WDR36: variants seen among roughly 807,000 people sequenced by gnomAD.
WDR36 encodes WD repeat domain 36, also known as WD repeat-containing protein 36.
A neutral mutation model predicts 112.7 loss-of-function variants in WDR36; 63 were observed. That is an observed-to-expected ratio of 0.56 (90% CI 0.46 to 0.69). WDR36 has a LOEUF of 0.69. Ranked by LOEUF, WDR36 falls within the 30% of genes least tolerant of loss-of-function variation. The pLI, the probability that WDR36 is intolerant of heterozygous loss-of-function variation, is 0.00. For missense variants in WDR36, 1,226 were observed against 1,070.3 expected (o/e 1.15, Z -2.03); for synonymous variants, 410 against 362.2 (o/e 1.13, Z -1.50).
chr5:111,121,777 C>A (rs561023428), intron 19 of WDR36, among the ~76,000 whole-genome samples: 60 of 152,072 alleles, frequency 3.9e-4, no homozygotes, highest in Non-Finnish European at 7.1e-4. Flanking sequence ...TTTATGATCC[C>A]CCACTAGTGA....
chr5:111,092,366 G>A lies in WDR36; in HGVS notation c.-91G>A, dbSNP rs1752877398. On this transcript the variant is annotated 5_prime_UTR_variant, in exon 1 of 23. Coordinates refer to ENST00000513710, the MANE Select transcript of WDR36 (RefSeq NM_139281.3). ...AAGCGGTGTTGTGTCTGCAGCTCTG[G>A]CAGAGGACTGTTCCACTAGACACGC... 1 of 1,614,132 alleles carries A rather than the reference G, an allele frequency of 6.2e-7. No homozygotes were observed. Among genetic ancestry groups the A allele is most frequent in the Non-Finnish European group, 8.5e-7 (1 of 1,180,054 alleles).
At chr5:111,120,629 A>G in intron 18 of WDR36, 36 bp downstream of exon 18, 1 of 1,533,086 alleles carries the variant, frequency 6.5e-7, no homozygotes, top group Admixed American at 1.7e-5. Context: ...TTTGAGGTGT[A>G]ATATTATAAA....
At chr5:111,113,052 A>ATATATTTTTTTTT (rs35527062) in intron 15 of WDR36, 22 bp from the exon 16 acceptor site, 1 of 455,806 alleles carries the variant, frequency 2.2e-6, no homozygotes, top group African/African-American at 2.6e-5. Flanking sequence ...ATATATATAT[A>ATATATTTTTTTTT]TTTTTTTTTT....
Position 111,128,391 on chromosome 5 carries a change from C to G in WDR36, c.*1508C>G, listed in dbSNP as rs1360552601. On this transcript the variant is annotated 3_prime_UTR_variant, in exon 23 of 23. Coordinates refer to ENST00000513710, the MANE Select transcript of WDR36 (RefSeq NM_139281.3). The stretch of plus-strand genomic sequence containing the variant: ...CCAATGTGGTTATTGTACTCAATTT[C>G]GTTTTTCTTTTAGAAATGTGTATTG... 1.3e-4 allele frequency: 23 copies of G among 182,936 alleles called. No individual in the cohort carries two copies. 11.3% of individuals were successfully genotyped at this position (182,936 alleles called of 1,614,324 possible).
intron 7 of WDR36, 120 bp from the exon 8 acceptor site, chr5:111,104,057 T>A: frequency 7.2e-7 from 1 of 1,380,790 alleles, no homozygotes; most frequent in Non-Finnish European, 9.9e-7. Context: ...GAAATATGAA[T>A]AGATTATTGG....
intron 16 of WDR36, among the ~76,000 whole-genome samples, chr5:111,113,819 T>G (rs1189836545): frequency 6.6e-6 from 1 of 152,086 alleles, no homozygotes; most frequent in East Asian, 1.9e-4. Flanking sequence ...TGTAATAGCT[T>G]GAGTCTGTCT....
At chr5:111,123,656 A>C in intron 19 of WDR36, 149 bp from the exon 20 acceptor site, 1 of 1,084,982 alleles carries the variant, frequency 9.2e-7, no homozygotes, top group South Asian at 1.5e-5. Context: ...GGTATTGGTC[A>C]GAAGAGATCA....
intron 11 of WDR36, among the ~76,000 whole-genome samples, chr5:111,106,360 T>A (rs531114387): frequency 1.4e-4 from 21 of 151,622 alleles, no homozygotes; most frequent in African/African-American, 4.3e-4. Context: ...CTCTTCTGTA[T>A]AACAGGTATT....
At chr5:111,120,260 C>T (rs926326288) in intron 17 of WDR36, among the ~76,000 whole-genome samples, 4 of 152,098 alleles carry the variant, frequency 2.6e-5, no homozygotes, top group African/African-American at 9.7e-5. Context: ...TACTACTGGT[C>T]TGTCTTTAAT....
At chr5:111,119,705 A>G (rs1319887681) in intron 17 of WDR36, among the ~76,000 whole-genome samples, 1 of 152,112 alleles carries the variant, frequency 6.6e-6, no homozygotes. Flanking sequence ...AAAAGAAAAA[A>G]TTGATTTTTT....
In WDR36 at chr5:111,099,490, A is replaced by C. The variant is rs182907152; in HGVS notation, c.409+651A>C. ...TTTTTTTTTTTTTTTTTTTTCAGTA[A>C]ATATCCTGAAGATTGCATTTCTGGG... is the stretch of plus-strand genomic sequence containing the variant. On this transcript the variant is annotated intron_variant, in intron 4 of 22. Transcript: ENST00000513710. Among the ~76,000 whole-genome samples the C allele has an allele frequency of 8.4e-5, 11 of 130,780 alleles. No homozygotes were observed. In the East Asian group the frequency reaches 2.4e-3, roughly 28 times the overall value. The allele number at this position is 130,780 out of a possible 152,430, so 85.8% of individuals were successfully genotyped here. A position where few individuals can be genotyped will look rare whatever the true frequency, so the allele number is the denominator to read the frequency against.
chr5:111,097,219 GT>G, intron 3 of WDR36, 40 bp downstream of exon 3: 1 of 1,464,178 alleles, frequency 6.8e-7, no homozygotes, highest in Non-Finnish European at 9.6e-7. Flanking sequence ...GTCAGTATTT[GT>G]TTGTCATGAT....
At chr5:111,122,567 A>T (rs1437411383) in intron 19 of WDR36, among the ~76,000 whole-genome samples, 1 of 152,102 alleles carries the variant, frequency 6.6e-6, no homozygotes, top group Non-Finnish European at 1.5e-5. Context: ...TCCCCTTTCT[A>T]ACTCAAGAAT....
At chr5:111,102,205 C>G (rs1366594928) in intron 5 of WDR36, 140 bp from the exon 6 acceptor site, 7 of 681,824 alleles carry the variant, frequency 1.0e-5, no homozygotes, top group African/African-American at 1.8e-5. Context: ...GTGACATTAG[C>G]TTAATCATCA....
At chr5:111,101,281 C>T (rs1365437486) in intron 5 of WDR36, among the ~76,000 whole-genome samples, 1 of 151,724 alleles carries the variant, frequency 6.6e-6, no homozygotes, top group Non-Finnish European at 1.5e-5. Flanking sequence ...GTACTAATGA[C>T]CTAATAACTG....
intron 2 of WDR36, 66 bp from the exon 3 acceptor site, chr5:111,097,000 AAAATGTTATATGT>A: frequency 1.0e-6 from 1 of 964,540 alleles, no homozygotes; most frequent in Non-Finnish European, 1.6e-6. Flanking sequence ...ATAGCCATGA[AAAATGTTATATGT>A]ATACTTGAGG....
In WDR36 at chr5:111,128,868, T is replaced by A. The variant is rs907879535; in HGVS notation, c.*1985T>A. The A allele has an allele frequency of 1.1e-5, 2 of 189,098 alleles. No homozygotes were observed. Among genetic ancestry groups the A allele is most frequent in the African/African-American group, 4.7e-5 (2 of 42,856 alleles). 11.7% of individuals were successfully genotyped at this position (189,098 alleles called of 1,614,324 possible). On this transcript the variant is annotated 3_prime_UTR_variant, in exon 23 of 23. Transcript: ENST00000513710. ...GTAATATATGACTACATTTTGCTTG[T>A]GTGCTTTTTGAAAACCATCTTCAGT...
intron 19 of WDR36, among the ~76,000 whole-genome samples, chr5:111,122,447 A>G (rs1326060049): frequency 6.6e-6 from 1 of 152,220 alleles, no homozygotes; most frequent in Non-Finnish European, 1.5e-5. Flanking sequence ...TATAGTTTAC[A>G]TTTGTCCTGT....
chr5:111,120,258 G>C (rs1021276604), intron 17 of WDR36, among the ~76,000 whole-genome samples: 2 of 151,902 alleles, frequency 1.3e-5, no homozygotes, highest in African/African-American at 4.8e-5. Context: ...TCTACTACTG[G>C]TCTGTCTTTA....
Sources: allele counts gnomAD v4.1 joint callset (sites outside exome capture counted in the v4.1 genomes callset), GRCh38; gene constraint gnomAD v4.1.1; transcripts MANE v1.5; gene names NCBI Gene and HGNC (gene_info 2026-07-23, HGNC 2026-07-21).